The following ATP10A variants were observed in gnomAD, a reference collection of about 807,000 sequenced individuals.
ATP10A encodes phospholipid-transporting ATPase VA.
In ATP10A, 111 loss-of-function variants were observed where a neutral mutation model predicts 147.8. The observed-to-expected ratio is 0.75, with a 90% CI of 0.64 to 0.88. The LOEUF (loss-of-function observed/expected upper bound fraction) is 0.88. Ranked by LOEUF, ATP10A falls within the 40% of genes least tolerant of loss-of-function variation. The probability of loss-of-function intolerance (pLI) is 0.00; values close to 1 mark genes in which losing one functional copy is unlikely to be tolerated. For missense variants in ATP10A, 1,927 were observed against 1,959.0 expected, an observed-to-expected ratio of 0.98 and a Z score of 0.31; for synonymous variants, 875 against 841.6, an observed-to-expected ratio of 1.04 and a Z score of -0.69.
At chr15:25,778,618 T>C (rs1040509316) in intron 2 of ATP10A, among the ~76,000 whole-genome samples, 4 of 152,158 alleles carry the variant, frequency 2.6e-5, no homozygotes, top group Non-Finnish European at 5.9e-5. Flanking sequence ...TTTAGGCTGT[T>C]AGTTTGGCCA....
chr15:25,721,540 AAGCGTGTGTGT>A, intron 7 of ATP10A, 106 bp downstream of exon 7: 1 of 1,201,222 alleles, frequency 8.3e-7, no homozygotes, highest in South Asian at 1.5e-5. Flanking sequence ...GTAATCCCTG[AAGCGTGTGTGT>A]GTGTGTGTGT....
rs532713859 is a variant in ATP10A at position 25,806,502 on chromosome 15, C to T, written c.450-25279G>A. 9.9e-5 allele frequency among the ~76,000 whole-genome samples: 15 copies of T among 152,014 alleles called. No individual in the cohort carries two copies. In the South Asian group the frequency reaches 2.5e-3, roughly 25 times the overall value. ...TAATTTTTTGTATTTTTAGTAGAGA[C>T]GGGGTTTCACGGTGTTAGCCAGGAT... On this transcript the variant is annotated intron_variant, in intron 1 of 20. Transcript: ENST00000555815.
Position 25,679,919 on chromosome 15 carries a change from G to A in ATP10A, c.3922C>T (p.Arg1308Cys), listed in dbSNP as rs550258170. 139 of 1,608,718 alleles carry A rather than the reference G, an allele frequency of 8.6e-5. No individual in the cohort carries two copies. Among genetic ancestry groups the A allele is most frequent in the Non-Finnish European group, 1.1e-4 (124 of 1,177,314 alleles). The change falls in exon 21 of 21, where the codon CGT becomes TGT. Residue 1308 changes from arginine (R) to cysteine (C), a missense_variant. Transcript: ENST00000555815. Reference sequence around the variant, plus strand: ...CTGGGGGACTTCCTGGTCAACTGACGTGCCAGCTGAAGTTGTGTGGGGAAA... The same window carrying A: ...CTGGGGGACTTCCTGGTCAACTGACATGCCAGCTGAAGTTGTGTGGGGAAA... ...RVFPTQLQLA[R>C]QLTRKSPRRC...
chr15:25,691,930 T>G, intron 14 of ATP10A, 139 bp from the exon 15 acceptor site: 2 of 904,916 alleles, frequency 2.2e-6, no homozygotes, highest in Non-Finnish European at 3.6e-6. Context: ...GAAAAAGGAG[T>G]AGAGCATCCA....
chr15:25,818,043 C>T (rs770734561), intron 1 of ATP10A, among the ~76,000 whole-genome samples: 33 of 152,076 alleles, frequency 2.2e-4, no homozygotes, highest in Non-Finnish European at 4.3e-4. Flanking sequence ...TATACAATCC[C>T]CCCACTGCTA....
intron 16 of ATP10A, among the ~76,000 whole-genome samples, chr15:25,685,036 G>A (rs2880257): frequency 0.1 from 15,626 of 152,122 alleles, 911 homozygotes; most frequent in South Asian, 0.23. Flanking sequence ...CACCCCCGCA[G>A]GCTTGGCCTA....
At position 25,716,827 on chromosome 15, in the gene ATP10A, T is replaced by C. The variant is rs1431762089; in HGVS notation, c.1679A>G (p.His560Arg). ...GACGTCAGACAGCTCAGGCGAGAGG[T>C]GGGCCAGCAGGTGCTCCTGATGCCT... Reference protein sequence around the residue: ...VARHQEHLLAHLSPELSDVFD... With the variant: ...VARHQEHLLARLSPELSDVFD... The change falls in exon 9 of 21, where the codon CAC (histidine) becomes CGC (arginine). Residue 560 changes from histidine to arginine, a missense_variant. By Grantham distance (29) the His-to-Arg change is conservative. Coordinates refer to ENST00000555815, the MANE Select transcript of ATP10A (RefSeq NM_024490.4). 5.0e-6 allele frequency: 8 copies of C among 1,610,910 alleles called. No homozygotes were observed. Among genetic ancestry groups the C allele is most frequent in the Non-Finnish European group, 5.9e-6 (7 of 1,178,684 alleles).
At chr15:25,839,789 C>T (rs1892734355) in intron 1 of ATP10A, among the ~76,000 whole-genome samples, 2 of 152,126 alleles carry the variant, frequency 1.3e-5, no homozygotes, top group African/African-American at 4.8e-5. Context: ...ACAGGGAGGT[C>T]CCATGCACCC....
At chr15:25,830,368 G>A (rs1261954365) in intron 1 of ATP10A, among the ~76,000 whole-genome samples, 1 of 152,178 alleles carries the variant, frequency 6.6e-6, no homozygotes, top group Non-Finnish European at 1.5e-5. Context: ...GAAACTAGCG[G>A]CCAGCCTGTC....
chr15:25,726,203 C>G, intron 4 of ATP10A, 121 bp from the exon 5 acceptor site: 1 of 1,152,522 alleles, frequency 8.7e-7, no homozygotes, highest in East Asian at 2.5e-5. Context: ...GAAGCTTGGT[C>G]AAAAAAGCAG....
In ATP10A at chr15:25,680,872, G is replaced by T. The variant is rs765842693; in HGVS notation, c.3616C>A (p.Pro1206Thr). 4.3e-6 allele frequency: 7 copies of T among 1,614,084 alleles called. No individual in the cohort carries two copies. The South Asian group carries it at 7.7e-5, about 18-fold the overall frequency. The change falls in exon 19 of 21, where the codon CCT (proline) becomes ACT (threonine). Residue 1206 changes from proline to threonine, a missense_variant. By Grantham distance (38) the Pro-to-Thr change is conservative. Coordinates refer to ENST00000555815, the MANE Select transcript of ATP10A (RefSeq NM_024490.4). Reference sequence around the variant, plus strand: ...GTGAGCAGCGCGATTGTCACAATAGGGGTCCCCCAGGTAAACAGGTCCACG... The same window carrying T: ...GTGAGCAGCGCGATTGTCACAATAGTGGTCCCCCAGGTAAACAGGTCCACG... ...SNVDLFTWGTPIVTIALLTFL... is the reference protein window; with the variant it reads ...SNVDLFTWGTTIVTIALLTFL...
chr15:25,764,604 C>T (rs1888928869), intron 2 of ATP10A, among the ~76,000 whole-genome samples: 1 of 152,236 alleles, frequency 6.6e-6, no homozygotes, highest in African/African-American at 2.4e-5. Context: ...GCCAGATCTA[C>T]TGGCGCCTCA....
intron 2 of ATP10A, among the ~76,000 whole-genome samples, chr15:25,751,695 G>T (rs1888162995): frequency 6.6e-6 from 1 of 152,124 alleles, no homozygotes; most frequent in Admixed American, 6.5e-5. Flanking sequence ...TTAACAGTGT[G>T]CAGAGACAAC....
intron 9 of ATP10A, among the ~76,000 whole-genome samples, chr15:25,715,048 G>A (rs917352421): frequency 1.3e-5 from 2 of 151,626 alleles, no homozygotes; most frequent in Non-Finnish European, 2.9e-5. Flanking sequence ...ACAGAGCCAC[G>A]CTTTTTTCTT....
intron 1 of ATP10A, among the ~76,000 whole-genome samples, chr15:25,820,367 A>T (rs8036268): frequency 0.97 from 147,218 of 152,266 alleles, 71,403 homozygotes; most frequent in East Asian, 1. Context: ...ACTTTCTGAA[A>T]GACTTAAAAA....
intron 1 of ATP10A, chr15:25,841,844 A>C (rs940373344): frequency 2.6e-5 from 4 of 152,218 alleles, no homozygotes; most frequent in African/African-American, 9.7e-5. Context: ...TTGTGATTTC[A>C]GTTTTCACTA....
At chr15:25,705,807 C>G (rs561556541) in intron 12 of ATP10A, among the ~76,000 whole-genome samples, 2 of 152,364 alleles carry the variant, frequency 1.3e-5, no homozygotes, top group South Asian at 4.1e-4. Flanking sequence ...GATTCCTGAA[C>G]ATTTATGTGG....
Position 25,680,891 on chromosome 15 carries a change from G to A in ATP10A, c.3597C>T (p.Asp1199=), listed in dbSNP as rs1281711776. 2 of 1,614,108 alleles carry A rather than the reference G, an allele frequency of 1.2e-6. No individual in the cohort carries two copies. The highest frequency in any genetic ancestry group is 2.2e-5 in the East Asian group (1 of 44,866). ...PYLAYYDSNV[D]LFTWGTPIVT... is the part of the protein sequence containing the mutation. ...CAATAGGGGTCCCCCAGGTAAACAG[G>A]TCCACGTTCGAGTCATAGTAGGCCT... Residue 1199 remains aspartate (D), a synonymous_variant, in exon 19 of 21, where the codon GAC becomes GAT. Transcript: ENST00000555815.
chr15:25,862,946 G>T lies in ATP10A; in HGVS notation c.151C>A (p.Arg51=). 3.2e-6 allele frequency: 5 copies of T among 1,571,000 alleles called. No homozygotes were observed. The highest frequency in any genetic ancestry group is 1.4e-5 in the African/African-American group (1 of 71,864). The change falls in exon 1 of 21, where the codon CGG becomes AGG. Residue 51 remains arginine, a synonymous_variant. Coordinates refer to ENST00000555815, the MANE Select transcript of ATP10A (RefSeq NM_024490.4). ...AAGAAKGERR[R]RRGCAQHLAD... is the part of the protein sequence containing the mutation. ...AGGTGCTGGGCACACCCGCGCCGCC[G>T]TCGCCGCTCGCCCTTGGCCGCGCCA...
Sources: allele counts gnomAD v4.1 joint callset (sites outside exome capture counted in the v4.1 genomes callset), GRCh38; gene constraint gnomAD v4.1.1; transcripts MANE v1.5; gene names NCBI Gene and HGNC (gene_info 2026-07-23, HGNC 2026-07-21).